Variants in CDK6 observed in about 807,000 individuals in gnomAD.
The protein encoded by CDK6 is cyclin-dependent kinase 6.
A neutral mutation model predicts 37.1 loss-of-function variants in CDK6; 6 were observed. That is an observed-to-expected ratio of 0.16 (90% CI 0.09 to 0.32). The LOEUF is 0.32. Ranked by LOEUF, CDK6 falls within the 10% of genes least tolerant of loss-of-function variation. CDK6 has a pLI of 1.00. For missense variants in CDK6, 224 were observed against 418.9 expected, an observed-to-expected ratio of 0.53 and a Z score of 4.06; for synonymous variants, 160 against 161.3, an observed-to-expected ratio of 0.99 and a Z score of 0.06.
At chr7:92,709,305 G>T (rs1169998029) in intron 4 of CDK6, among the ~76,000 whole-genome samples, 2 of 151,938 alleles carry the variant, frequency 1.3e-5, no homozygotes, top group Non-Finnish European at 1.5e-5. Context: ...CTGCTTTGCC[G>T]TTGTGTGTGT....
intron 2 of CDK6, among the ~76,000 whole-genome samples, chr7:92,809,877 TGCTGA>T (rs1800828328): frequency 6.6e-6 from 1 of 152,296 alleles, no homozygotes; most frequent in Admixed American, 6.5e-5. Context: ...AACCAGGAAG[TGCTGA>T]GTCATCGTGA....
chr7:92,703,182 T>A (rs1456171122), intron 4 of CDK6, among the ~76,000 whole-genome samples: 1 of 151,968 alleles, frequency 6.6e-6, no homozygotes, highest in African/African-American at 2.4e-5. Context: ...AGAACTGTGA[T>A]GGGTGAGGTG....
chr7:92,628,742 T>C (rs1795986351), intron 5 of CDK6, among the ~76,000 whole-genome samples: 1 of 152,116 alleles, frequency 6.6e-6, no homozygotes, highest in Non-Finnish European at 1.5e-5. Flanking sequence ...GTTTATGCTT[T>C]AATCTGCCTG....
chr7:92,749,378 T>G (rs1054577239), intron 3 of CDK6, among the ~76,000 whole-genome samples: 1 of 152,042 alleles, frequency 6.6e-6, no homozygotes, highest in African/African-American at 2.4e-5. Context: ...TTGGGAGGAT[T>G]GCTTCAGCCC....
Position 92,774,688 on chromosome 7 carries a change from C to CT in CDK6, c.369+7dup. ...TGCCTGATAAGACATGAAGATGATT[C>CT]TTGATACCTTTATGGTTTCAGTGGG... On this transcript the variant is annotated splice_region_variant and intron_variant, in intron 3 of 7. Coordinates refer to ENST00000424848, the MANE Select transcript of CDK6 (RefSeq NM_001145306.2). The CT allele has an allele frequency of 6.3e-7, 1 of 1,591,670 alleles. No homozygotes were observed. The highest frequency in any genetic ancestry group is 8.5e-7 in the Non-Finnish European group (1 of 1,171,852).
At chr7:92,710,806 T>C (rs909553393) in intron 4 of CDK6, 8 of 985,264 alleles carry the variant, frequency 8.1e-6, no homozygotes, top group Non-Finnish European at 9.6e-6. Flanking sequence ...GGGCTGATAC[T>C]CAGAGGAGAC....
chr7:92,645,914 T>A (rs1182977286), intron 5 of CDK6, among the ~76,000 whole-genome samples: 1 of 152,232 alleles, frequency 6.6e-6, no homozygotes, highest in African/African-American at 2.4e-5. Context: ...CTCTGTATGG[T>A]ATTGAATTGA....
chr7:92,820,356 A>T (rs1385424642), intron 2 of CDK6, among the ~76,000 whole-genome samples: 1 of 152,140 alleles, frequency 6.6e-6, no homozygotes, highest in Non-Finnish European at 1.5e-5. Flanking sequence ...TATTTGGCCT[A>T]GCACTGAACT....
intron 5 of CDK6, among the ~76,000 whole-genome samples, chr7:92,631,389 C>T (rs1364150911): frequency 6.6e-6 from 1 of 152,076 alleles, no homozygotes; most frequent in East Asian, 1.9e-4. Context: ...GTGGGGCAGG[C>T]TGTTTAAAAA....
intron 2 of CDK6, among the ~76,000 whole-genome samples, chr7:92,797,377 A>G (rs1238572639): frequency 6.6e-6 from 1 of 152,222 alleles, no homozygotes; most frequent in Non-Finnish European, 1.5e-5. Context: ...TTTTACTGGA[A>G]AAGAATGCAT....
rs550978145 is a variant in CDK6 at position 92,835,115 on chromosome 7, G to A, written c.-368+1363C>T. ...ACGATGAGCGGGTGGAGCGGACCGCGGCGAGAGCAGAGCTTCTGGCACTCA... is the reference window on the plus strand; with the variant it reads ...ACGATGAGCGGGTGGAGCGGACCGCAGCGAGAGCAGAGCTTCTGGCACTCA... On this transcript the variant is annotated intron_variant, in intron 1 of 7. Coordinates refer to ENST00000424848, the MANE Select transcript of CDK6 (RefSeq NM_001145306.2). This position sits in a 1 kb window ranked among gnomAD's most constrained non-coding sequence, Gnocchi z 4.2. 1 of 152,302 alleles carries A rather than the reference G, an allele frequency of 6.6e-6. No homozygotes were observed. The highest frequency in any genetic ancestry group is 2.4e-5 in the African/African-American group (1 of 41,526). The allele number at this position is 152,302 out of a possible 1,614,324, so 9.4% of individuals were successfully genotyped here. A position where few individuals can be genotyped will look rare whatever the true frequency, so the allele number is the denominator to read the frequency against.
intron 2 of CDK6, among the ~76,000 whole-genome samples, chr7:92,807,368 T>A (rs895065177): frequency 1.3e-5 from 2 of 152,020 alleles, no homozygotes; most frequent in African/African-American, 4.8e-5. Context: ...TGTATCTATA[T>A]CTAGATATCT....
chr7:92,673,183 G>A (rs943693558), intron 4 of CDK6, among the ~76,000 whole-genome samples: 23 of 152,166 alleles, frequency 1.5e-4, no homozygotes, highest in Non-Finnish European at 2.9e-5. Context: ...GGACATTCAA[G>A]CCAACTGACC....
At chr7:92,630,798 T>G (rs1196397341) in intron 5 of CDK6, among the ~76,000 whole-genome samples, 4 of 152,156 alleles carry the variant, frequency 2.6e-5, no homozygotes, top group Non-Finnish European at 5.9e-5. Flanking sequence ...GGGCTTAGCA[T>G]TGAAAAACTT....
At chr7:92,698,064 T>TA (rs942025954) in intron 4 of CDK6, among the ~76,000 whole-genome samples, 39 of 148,800 alleles carry the variant, frequency 2.6e-4, no homozygotes, top group South Asian at 2.6e-3. Flanking sequence ...AATCTTGTCT[T>TA]AAAAAAAAAA....
rs117184997 is a variant in CDK6, at chr7:92,816,500, T to C, written c.233+16591A>G. Among the ~76,000 whole-genome samples the C allele has an allele frequency of 6.3e-3, 963 of 152,134 alleles. 5 individuals are homozygous for C. Among genetic ancestry groups the C allele is most frequent in the Admixed American group, 0.01 (155 of 15,262 alleles). On this transcript the variant is annotated intron_variant, in intron 2 of 7. Coordinates refer to ENST00000424848, the MANE Select transcript of CDK6 (RefSeq NM_001145306.2). ...ACAACAGAATTAGACAGAAAGAAAT[T>C]AGAAAAATCCCTTACATGTTTGGAA...
chr7:92,757,812 A>G (rs1012392702), intron 3 of CDK6, among the ~76,000 whole-genome samples: 1 of 152,184 alleles, frequency 6.6e-6, no homozygotes. Context: ...CCTTGCCAGC[A>G]TCTGCTATTT....
At chr7:92,714,239 T>G (rs1798168263) in intron 4 of CDK6, among the ~76,000 whole-genome samples, 1 of 151,996 alleles carries the variant, frequency 6.6e-6, no homozygotes, top group South Asian at 2.1e-4. Flanking sequence ...TCTTGAAGAA[T>G]GAGTAGGAGA....
chr7:92,827,634 C>T (rs2116007934), intron 2 of CDK6, among the ~76,000 whole-genome samples: 1 of 152,306 alleles, frequency 6.6e-6, no homozygotes, highest in Non-Finnish European at 1.5e-5. Flanking sequence ...GATCATCACT[C>T]AAATAGTGAC....
Sources: allele counts gnomAD v4.1 joint callset (sites outside exome capture counted in the v4.1 genomes callset), GRCh38; gene constraint gnomAD v4.1.1; non-coding constraint Gnocchi (gnomAD v3.1); transcripts MANE v1.5; gene names NCBI Gene and HGNC (gene_info 2026-07-23, HGNC 2026-07-21).